The following ANXA4 variants were observed in gnomAD, a reference collection of about 807,000 sequenced individuals.
The protein encoded by ANXA4 is 35-beta calcimedin.
ANXA4 carries 39 observed loss-of-function variants against 49.8 expected under a neutral mutation model. The ratio of observed to expected loss-of-function variants is 0.78; its 90% confidence interval spans 0.61 to 1.02. The LOEUF is 1.02. Among genes scored for constraint, ANXA4 ranks in the 50% least tolerant of loss-of-function variants. ANXA4 has a pLI of 0.00. For missense variants in ANXA4, 360 were observed against 410.1 expected (o/e 0.88, Z 1.05); for synonymous variants, 134 against 152.5 (o/e 0.88, Z 0.89).
rs146154472 is a variant in ANXA4, at chr2:69,785,244, A to G, written c.10-2810A>G. Among the ~76,000 whole-genome samples the G allele has an allele frequency of 1.3e-3, 197 of 152,292 alleles. 1 individual carries two copies. Among genetic ancestry groups the G allele is most frequent in the African/African-American group, 4.3e-3 (180 of 41,554 alleles). On this transcript the variant is annotated intron_variant, in intron 2 of 12. Transcript: ENST00000394295. ...TTGGATGGGCTTGATGTGGGCCACT[A>G]TGGGCCTGAGAGGTCCAGGCCAGGG...
intron 3 of ANXA4, among the ~76,000 whole-genome samples, chr2:69,792,550 C>A (rs777957543): frequency 7.2e-5 from 11 of 151,852 alleles, no homozygotes; most frequent in Non-Finnish European, 1.6e-4. Context: ...CCATATAATG[C>A]CCTTTTGCAT....
intron 2 of ANXA4, among the ~76,000 whole-genome samples, chr2:69,685,950 G>T (rs1034165315): frequency 6.6e-6 from 1 of 152,158 alleles, no homozygotes. Flanking sequence ...GAACTCAGAG[G>T]TTGGAAGAGA....
intron 2 of ANXA4, among the ~76,000 whole-genome samples, chr2:69,702,290 G>A (rs1002344783): frequency 2.0e-5 from 3 of 152,054 alleles, no homozygotes; most frequent in Admixed American, 1.3e-4. Flanking sequence ...TGGGATTACA[G>A]GTGTGAGCCA....
intron 2 of ANXA4, among the ~76,000 whole-genome samples, chr2:69,718,871 T>C (rs184394854): frequency 2.6e-5 from 4 of 151,924 alleles, no homozygotes; most frequent in Non-Finnish European, 5.9e-5. Flanking sequence ...CATGTGTGCA[T>C]ACGCACATGC....
At chr2:69,811,713 C>T (rs1673711835) in intron 7 of ANXA4, among the ~76,000 whole-genome samples, 1 of 152,282 alleles carries the variant, frequency 6.6e-6, no homozygotes, top group East Asian at 1.9e-4. Context: ...GCTCTTCTTC[C>T]GGACTTGCCT....
intron 2 of ANXA4, among the ~76,000 whole-genome samples, chr2:69,697,379 G>T (rs1678191903): frequency 6.6e-6 from 1 of 152,200 alleles, no homozygotes; most frequent in African/African-American, 2.4e-5. Context: ...CTTGTTCTAG[G>T]CTAGGCTTTG....
At chr2:69,763,424 C>T (rs949696131) in intron 1 of ANXA4, among the ~76,000 whole-genome samples, 2 of 151,912 alleles carry the variant, frequency 1.3e-5, no homozygotes, top group African/African-American at 4.8e-5. Context: ...GTTTTTTCCC[C>T]ACGTGGGCAA....
At chr2:69,686,029 G>A (rs1677773309) in intron 2 of ANXA4, among the ~76,000 whole-genome samples, 1 of 151,996 alleles carries the variant, frequency 6.6e-6, no homozygotes, top group South Asian at 2.1e-4. Flanking sequence ...AACCTCAAGA[G>A]GAGAGATAAT....
At chr2:69,791,956 C>T (rs1183847505) in intron 3 of ANXA4, among the ~76,000 whole-genome samples, 1 of 152,178 alleles carries the variant, frequency 6.6e-6, no homozygotes, top group Non-Finnish European at 1.5e-5. Flanking sequence ...ATAGACATCC[C>T]ATACAGTTTT....
chr2:69,771,945 C>G (rs995345549), intron 1 of ANXA4, among the ~76,000 whole-genome samples: 4 of 152,290 alleles, frequency 2.6e-5, no homozygotes, highest in Admixed American at 6.5e-5. Flanking sequence ...AACTATCTTT[C>G]AGTTGCTCCA....
intron 9 of ANXA4, chr2:69,816,890 A>C (rs1674017743): frequency 6.6e-6 from 1 of 152,208 alleles, no homozygotes; most frequent in Non-Finnish European, 1.5e-5. Context: ...AATCACACAC[A>C]CTGATTTGCA....
intron 2 of ANXA4, among the ~76,000 whole-genome samples, chr2:69,675,532 G>A (rs1677375227): frequency 6.6e-6 from 1 of 152,242 alleles, no homozygotes; most frequent in African/African-American, 2.4e-5. Context: ...ACACTGTCAG[G>A]CTTCTCAACT....
intron 3 of ANXA4, among the ~76,000 whole-genome samples, chr2:69,801,158 GTACACATGCTAACAAAA>G (rs1343337057): frequency 6.6e-6 from 1 of 152,096 alleles, no homozygotes; most frequent in Non-Finnish European, 1.5e-5. Flanking sequence ...CTTTCTTACT[GTACACATGCTAACAAAA>G]AAGGGAAGGT....
chr2:69,651,781 C>T (rs1676246336), intron 1 of ANXA4, among the ~76,000 whole-genome samples: 1 of 121,826 alleles, frequency 8.2e-6, no homozygotes, highest in South Asian at 2.7e-4. Flanking sequence ...GGATTACAGG[C>T]GTGAGCCACC....
chr2:69,739,385 AT>A (rs886315702), upstream of ANXA4, among the ~76,000 whole-genome samples: 3 of 149,022 alleles, frequency 2.0e-5, no homozygotes, highest in African/African-American at 5.0e-5. Context: ...GAGATTTTTA[AT>A]TTTTTTTTAT....
chr2:69,805,449 C>CA lies in ANXA4; in HGVS notation c.192+829dup, dbSNP rs538052960. 1.0e-3 allele frequency among the ~76,000 whole-genome samples: 156 copies of CA among 151,618 alleles called. No homozygotes were observed. In the East Asian group the frequency reaches 0.018, roughly 18 times the overall value. ...TGAAACCCCGTCTCTACTAAAAATA[C>CA]AAAAAAATTAGCTGGGCATGGTGGT... On this transcript the variant is annotated intron_variant, in intron 4 of 12. Coordinates refer to ENST00000394295, the MANE Select transcript of ANXA4 (RefSeq NM_001153.5).
chr2:69,720,356 C>G (rs1669784294), intron 2 of ANXA4, among the ~76,000 whole-genome samples: 1 of 152,214 alleles, frequency 6.6e-6, no homozygotes, highest in Non-Finnish European at 1.5e-5. Context: ...GCTTTGCCAA[C>G]TGCACATGTT....
At chr2:69,719,519 A>G (rs1669762370) in intron 2 of ANXA4, among the ~76,000 whole-genome samples, 2 of 151,668 alleles carry the variant, frequency 1.3e-5, no homozygotes, top group African/African-American at 4.8e-5. Context: ...GGCTCATTGC[A>G]AACTCTGCCT....
intron 3 of ANXA4, among the ~76,000 whole-genome samples, chr2:69,803,715 A>T (rs1673314805): frequency 1.3e-5 from 2 of 152,212 alleles, no homozygotes; most frequent in South Asian, 4.1e-4. Flanking sequence ...GCAAAATGCC[A>T]AATTGGTGAA....
Sources: allele counts gnomAD v4.1 joint callset (sites outside exome capture counted in the v4.1 genomes callset), GRCh38; gene constraint gnomAD v4.1.1; transcripts MANE v1.5; gene names NCBI Gene and HGNC (gene_info 2026-07-23, HGNC 2026-07-21).